LHPP: variants seen among roughly 807,000 people sequenced by gnomAD.
LHPP encodes the protein phospholysine phosphohistidine inorganic pyrophosphate phosphatase.
Under a neutral mutation model 30.3 loss-of-function variants are expected in LHPP, and 24 were observed. The observed-to-expected ratio is 0.79, with a 90% CI of 0.57 to 1.11. LHPP has a LOEUF of 1.11. LHPP is among the 50% of genes most tolerant of loss of function. The pLI is 0.00. For synonymous variants in LHPP, 150 were observed against 157.1 expected, an observed-to-expected ratio of 0.95 and a Z score of 0.34; for missense variants, 356 against 367.2, an observed-to-expected ratio of 0.97 and a Z score of 0.25.
chr10:124,472,137 C>T (rs1210955477), intron 1 of LHPP, among the ~76,000 whole-genome samples: 3 of 150,912 alleles, frequency 2.0e-5, no homozygotes, highest in African/African-American at 7.3e-5. Flanking sequence ...CATAGTGAAA[C>T]CCCCGTCTTT....
intron 6 of LHPP, among the ~76,000 whole-genome samples, chr10:124,527,070 C>T (rs1448437505): frequency 6.6e-6 from 1 of 152,222 alleles, no homozygotes. Flanking sequence ...GCCACAGAGC[C>T]CCTCTGAGAC....
intron 6 of LHPP, among the ~76,000 whole-genome samples, chr10:124,564,060 C>T (rs1948447713): frequency 6.6e-6 from 1 of 151,996 alleles, no homozygotes; most frequent in Non-Finnish European, 1.5e-5. Context: ...GATCCTCCCA[C>T]CTCAGCCTCC....
At chr10:124,604,193 G>C (rs542698119) in intron 6 of LHPP, among the ~76,000 whole-genome samples, 204 of 152,336 alleles carry the variant, frequency 1.3e-3, no homozygotes, top group African/African-American at 4.7e-3. Flanking sequence ...CCAGAACCCA[G>C]GGGACGGAGG....
chr10:124,611,915 C>T (rs1229299732), intron 6 of LHPP, among the ~76,000 whole-genome samples: 1 of 152,206 alleles, frequency 6.6e-6, no homozygotes, highest in Non-Finnish European at 1.5e-5. Flanking sequence ...GGAGCTTGGG[C>T]CAGGCCGTGG....
At position 124,502,667 on chromosome 10, in the gene LHPP, CTTTTTTTTTTTT is replaced by C. The variant is rs1190430106; in HGVS notation, c.624+4552_624+4563del. 1.5e-4 allele frequency among the ~76,000 whole-genome samples: 11 copies of C among 71,308 alleles called. 1 individual carries two copies. The highest frequency in any genetic ancestry group is 6.2e-4 in the African/African-American group (10 of 16,022). 46.8% of individuals were successfully genotyped at this position (71,308 alleles called of 152,430 possible). On this transcript the variant is annotated intron_variant, in intron 5 of 6. Transcript: ENST00000368842. ...ACAGACGTGAGCCACCACGCCCAGC[CTTTTTTTTTTTT>C]TTTTTTTTTTTTGAGCAGGAATCTC...
intron 1 of LHPP, among the ~76,000 whole-genome samples, chr10:124,463,959 G>A (rs1203715774): frequency 6.6e-6 from 1 of 151,814 alleles, no homozygotes; most frequent in East Asian, 1.9e-4. Flanking sequence ...TGGAACTACA[G>A]GCACGTGCCA....
At chr10:124,610,212 C>G (rs1224076915) in intron 6 of LHPP, among the ~76,000 whole-genome samples, 2 of 152,234 alleles carry the variant, frequency 1.3e-5, no homozygotes, top group South Asian at 4.1e-4. Flanking sequence ...CGTAGACACC[C>G]TGTGTGGCAT....
intron 6 of LHPP, among the ~76,000 whole-genome samples, chr10:124,542,318 A>G (rs1955216057): frequency 6.6e-6 from 1 of 152,196 alleles, no homozygotes; most frequent in Non-Finnish European, 1.5e-5. Flanking sequence ...TCCAGCACTT[A>G]TGTGTTTACA....
intron 1 of LHPP, among the ~76,000 whole-genome samples, chr10:124,462,234 C>G (rs1224683968): frequency 2.6e-5 from 4 of 152,204 alleles, no homozygotes; most frequent in Non-Finnish European, 4.4e-5. Context: ...GGTACGTGCG[C>G]TGCTGAGCGC....
At chr10:124,482,971 C>T (rs1953189790) in intron 1 of LHPP, among the ~76,000 whole-genome samples, 1 of 152,226 alleles carries the variant, frequency 6.6e-6, no homozygotes, top group Non-Finnish European at 1.5e-5. Context: ...CTCTGTGCAC[C>T]AGGCCAGTGC....
At chr10:124,558,831 T>C (rs1252227223) in intron 6 of LHPP, among the ~76,000 whole-genome samples, 1 of 152,236 alleles carries the variant, frequency 6.6e-6, no homozygotes, top group Non-Finnish European at 1.5e-5. Context: ...CCTGCGGCCA[T>C]ATGCATTCCC....
chr10:124,581,732 T>A lies in LHPP; in HGVS notation c.717-31532T>A, dbSNP rs188019305. On this transcript the variant is annotated intron_variant, in intron 6 of 6. Transcript: ENST00000368842. The stretch of plus-strand genomic sequence containing the variant: ...TTCCTTGGAGAAATGTCTATTCAAA[T>A]TTTTTGCACAATTTTAATACATACA... Among the ~76,000 whole-genome samples, 375 of 152,090 alleles carry A rather than the reference T, an allele frequency of 2.5e-3. 1 individual carries two copies. The highest frequency in any genetic ancestry group is 8.2e-3 in the African/African-American group (339 of 41,402).
intron 1 of LHPP, among the ~76,000 whole-genome samples, chr10:124,462,531 G>A (rs1037296278): frequency 2.0e-4 from 30 of 152,104 alleles, no homozygotes; most frequent in Admixed American, 1.8e-3. Flanking sequence ...GGAGGTCAAG[G>A]CTACAGTGAG....
At chr10:124,492,330 A>G (rs985524012) in intron 3 of LHPP, among the ~76,000 whole-genome samples, 2 of 152,228 alleles carry the variant, frequency 1.3e-5, no homozygotes, top group African/African-American at 4.8e-5. Context: ...TGTGTCCTGT[A>G]TGTAGTCAGG....
intron 6 of LHPP, among the ~76,000 whole-genome samples, chr10:124,584,998 C>T (rs1948785987): frequency 6.6e-6 from 1 of 152,110 alleles, no homozygotes; most frequent in Non-Finnish European, 1.5e-5. Context: ...TGTGTCTAAG[C>T]ATATATGAAA....
At chr10:124,520,636 C>T (rs1954587290) in intron 6 of LHPP, among the ~76,000 whole-genome samples, 1 of 152,178 alleles carries the variant, frequency 6.6e-6, no homozygotes, top group African/African-American at 2.4e-5. Flanking sequence ...AGAGTGTTAG[C>T]TTGGCTAAGG....
At chr10:124,611,190 C>T (rs1025133835) in intron 6 of LHPP, among the ~76,000 whole-genome samples, 3 of 150,802 alleles carry the variant, frequency 2.0e-5, no homozygotes, top group Non-Finnish European at 4.4e-5. Context: ...GGTGCCCCTG[C>T]TTGGAGCGGG....
chr10:124,533,596 T>G (rs1232325927), intron 6 of LHPP, among the ~76,000 whole-genome samples: 1 of 152,242 alleles, frequency 6.6e-6, no homozygotes, highest in Non-Finnish European at 1.5e-5. Context: ...CAAGGCCTAC[T>G]GCATGGCGAG....
rs1026061204 is a variant in LHPP at position 124,510,213 on chromosome 10, C to G, written c.625-6967C>G. Among the ~76,000 whole-genome samples, 3 of 152,240 alleles carry G rather than the reference C, an allele frequency of 2.0e-5. No individual in the cohort carries two copies. Among genetic ancestry groups the G allele is most frequent in the Non-Finnish European group, 2.9e-5 (2 of 68,042 alleles). On this transcript the variant is annotated intron_variant, in intron 5 of 6. Coordinates refer to ENST00000368842, the MANE Select transcript of LHPP (RefSeq NM_022126.4). This position sits in a 1 kb window ranked among gnomAD's most constrained non-coding sequence, Gnocchi z 4.0. Reference sequence around the variant, plus strand: ...TGACAGCGCACCTCCTGACCTCTATCTTCTTGCCAGTGATTTTTTAAATCC... The same window carrying G: ...TGACAGCGCACCTCCTGACCTCTATGTTCTTGCCAGTGATTTTTTAAATCC...
Sources: allele counts gnomAD v4.1 joint callset (sites outside exome capture counted in the v4.1 genomes callset), GRCh38; gene constraint gnomAD v4.1.1; non-coding constraint Gnocchi (gnomAD v3.1); transcripts MANE v1.5; gene names NCBI Gene and HGNC (gene_info 2026-07-23, HGNC 2026-07-21).